The following MGMT variants were observed in gnomAD, a reference collection of about 807,000 sequenced individuals.
MGMT encodes the protein methylated-DNA--protein-cysteine methyltransferase.
MGMT carries 14 observed loss-of-function variants against 15.9 expected under a neutral mutation model. The ratio of observed to expected loss-of-function variants is 0.88; its 90% confidence interval spans 0.58 to 1.37. The LOEUF (loss-of-function observed/expected upper bound fraction) is 1.37, where lower values mean the gene tolerates loss of function less well. Ranked by LOEUF, MGMT falls within the 40% of genes most tolerant of loss-of-function variation. MGMT has a pLI of 0.00. For synonymous variants in MGMT, 130 were observed against 118.2 expected, an observed-to-expected ratio of 1.10 and a Z score of -0.65; for missense variants, 282 against 268.1, an observed-to-expected ratio of 1.05 and a Z score of -0.36.
At chr10:129,669,813 T>C (rs967564138) in intron 2 of MGMT, among the ~76,000 whole-genome samples, 1 of 152,226 alleles carries the variant, frequency 6.6e-6, no homozygotes, top group Non-Finnish European at 1.5e-5. Context: ...TTGTTACTTT[T>C]CATCACAATA....
chr10:129,537,042 G>A (rs917935153), intron 2 of MGMT: 1 of 151,950 alleles, frequency 6.6e-6, no homozygotes, highest in Admixed American at 6.6e-5. Context: ...TTGCAAAAAC[G>A]TAAGAAATGT....
chr10:129,474,215 C>T (rs1249156845), intron 1 of MGMT, among the ~76,000 whole-genome samples: 2 of 152,178 alleles, frequency 1.3e-5, no homozygotes, highest in African/African-American at 2.4e-5. Flanking sequence ...GGTGAAGGGC[C>T]TTGGGAGTCT....
chr10:129,515,256 G>A (rs1381858029), intron 1 of MGMT, among the ~76,000 whole-genome samples: 2 of 152,216 alleles, frequency 1.3e-5, no homozygotes, highest in Non-Finnish European at 2.9e-5. Flanking sequence ...TTCCCCACTC[G>A]CCAAGGCCCC....
At chr10:129,697,622 C>T (rs771194282) in intron 2 of MGMT, among the ~76,000 whole-genome samples, 1 of 152,190 alleles carries the variant, frequency 6.6e-6, no homozygotes, top group African/African-American at 2.4e-5. Context: ...CAGTGTTGTG[C>T]GAGAGCTTAC....
chr10:129,532,556 C>A lies in MGMT; in HGVS notation c.-12-3685C>A, dbSNP rs1254481969. Reference sequence around the variant, plus strand: ...CACCCCATCCCCCATGCCCCTACTTCAGCTTGCTGGGATTCACCCCCAGTG... The same window carrying A: ...CACCCCATCCCCCATGCCCCTACTTAAGCTTGCTGGGATTCACCCCCAGTG... On this transcript the variant is annotated intron_variant, in intron 1 of 4. Transcript: ENST00000651593. The surrounding 1 kb of genome is among the most constrained non-coding windows in gnomAD (Gnocchi z 5.3). Among the ~76,000 whole-genome samples, 1 of 152,076 alleles carries A rather than the reference C, an allele frequency of 6.6e-6. No homozygotes were observed. The highest frequency in any genetic ancestry group is 1.5e-5 in the Non-Finnish European group (1 of 68,010).
intron 2 of MGMT, among the ~76,000 whole-genome samples, chr10:129,551,842 G>A (rs1182651879): frequency 1.3e-5 from 2 of 152,128 alleles, no homozygotes; most frequent in Admixed American, 1.3e-4. Flanking sequence ...CCTGGCCTGC[G>A]CTCGCCTGGG....
chr10:129,506,365 C>T (rs893679291), intron 1 of MGMT, among the ~76,000 whole-genome samples: 1 of 152,204 alleles, frequency 6.6e-6, no homozygotes, highest in African/African-American at 2.4e-5. Context: ...GCAGGATTCT[C>T]TTGGTGCCAT....
At chr10:129,752,296 A>AT (rs560744665) in intron 3 of MGMT, among the ~76,000 whole-genome samples, 8 of 150,718 alleles carry the variant, frequency 5.3e-5, no homozygotes, top group South Asian at 4.2e-4. Context: ...TCTTTTATTA[A>AT]TTTTTTTTTA....
chr10:129,716,721 G>A (rs74844288), intron 3 of MGMT, among the ~76,000 whole-genome samples: 4,534 of 152,274 alleles, frequency 0.03, 100 homozygotes, highest in South Asian at 0.07. Flanking sequence ...AAGAGCAGCT[G>A]ATATTAAAGG....
At chr10:129,655,464 C>CG (rs1564750181) in intron 2 of MGMT, among the ~76,000 whole-genome samples, 2 of 152,204 alleles carry the variant, frequency 1.3e-5, no homozygotes, top group African/African-American at 2.4e-5. Flanking sequence ...GGCCTCATCC[C>CG]GGAAGCTGGT....
chr10:129,496,443 T>C lies in MGMT; in HGVS notation c.-13+29147T>C, dbSNP rs7069693. ...ATACCTTGGCTCAGGGGACATAACA[T>C]TTTAGTAAAATCAAAATTTGTATAG... On this transcript the variant is annotated intron_variant, in intron 1 of 4. Transcript: ENST00000651593. Among the ~76,000 whole-genome samples the C allele has an allele frequency of 9.4e-3, 1,433 of 152,308 alleles. 29 individuals are homozygous for C. The highest frequency in any genetic ancestry group is 0.033 in the African/African-American group (1,364 of 41,550).
At chr10:129,759,531 C>T (rs1277094399) in intron 4 of MGMT, among the ~76,000 whole-genome samples, 190 bp downstream of exon 4, 3 of 152,178 alleles carry the variant, frequency 2.0e-5, no homozygotes, top group African/African-American at 7.2e-5. Context: ...CAGCACTACA[C>T]TCCTGGAAGC....
chr10:129,720,936 CAG>C (rs1491253521), intron 3 of MGMT, among the ~76,000 whole-genome samples: 36 of 129,158 alleles, frequency 2.8e-4, no homozygotes, highest in African/African-American at 8.2e-4. Flanking sequence ...ATTTAAATGT[CAG>C]GGGGAAAAAA....
intron 2 of MGMT, among the ~76,000 whole-genome samples, chr10:129,638,429 C>CAAAAAAAAA: frequency 0.018 from 1,119 of 61,586 alleles, 60 homozygotes; most frequent in Non-Finnish European, 0.02. Context: ...ACCAAAGAGG[C>CAAAAAAAAA]AAAAAAAAAA....
intron 2 of MGMT, among the ~76,000 whole-genome samples, chr10:129,632,426 C>T (rs1447293219): frequency 6.6e-6 from 1 of 152,098 alleles, no homozygotes; most frequent in Non-Finnish European, 1.5e-5. Context: ...GAACTGGGGC[C>T]CAGCGAGACT....
At chr10:129,604,747 C>G (rs1047660724) in intron 2 of MGMT, among the ~76,000 whole-genome samples, 7 of 145,046 alleles carry the variant, frequency 4.8e-5, no homozygotes, top group Non-Finnish European at 9.2e-5. Context: ...ACCCCCTCCC[C>G]CCGGCTTTCA....
chr10:129,719,539 T>C (rs4750769), intron 3 of MGMT, among the ~76,000 whole-genome samples: 103,331 of 152,066 alleles, frequency 0.68, 35,670 homozygotes, highest in African/African-American at 0.79. Context: ...GCTGAGGCTG[T>C]CCTGCTTGCC....
chr10:129,743,507 G>A (rs1410456051), intron 3 of MGMT, among the ~76,000 whole-genome samples: 1 of 152,170 alleles, frequency 6.6e-6, no homozygotes, highest in Admixed American at 6.5e-5. Flanking sequence ...TGACAGAGGT[G>A]TCTGTGTTTC....
chr10:129,679,909 T>A (rs1035905465), intron 2 of MGMT, among the ~76,000 whole-genome samples: 12 of 152,136 alleles, frequency 7.9e-5, no homozygotes, highest in Admixed American at 6.5e-4. Flanking sequence ...GTCACAAAAT[T>A]AAAAGGAATT....
Sources: gnomAD v4.1 joint callset for allele counts (sites outside exome capture counted in the v4.1 genomes callset) on GRCh38, gnomAD v4.1.1 for gene constraint, Gnocchi (gnomAD v3.1) non-coding constraint, MANE v1.5 for transcripts, NCBI Gene and HGNC (gene_info 2026-07-23, HGNC 2026-07-21) for gene names.